The following CYP19A1 variants were observed in gnomAD, a reference collection of about 807,000 sequenced individuals.
CYP19A1 encodes the protein cytochrome P450 family 19 subfamily A member 1.
In CYP19A1, 32 loss-of-function variants were observed where a neutral mutation model predicts 44.4. The ratio of observed to expected loss-of-function variants is 0.72; its 90% CI spans 0.54 to 0.97. The LOEUF is 0.97. CYP19A1 is among the 50% of genes least tolerant of loss of function. The probability of loss-of-function intolerance (pLI) is 0.00; values close to 1 mark genes in which losing one functional copy is unlikely to be tolerated. For synonymous variants in CYP19A1, 212 were observed against 215.6 expected (o/e 0.98, Z 0.14); for missense variants, 598 against 637.8 (o/e 0.94, Z 0.67).
At chr15:51,268,861 T>C (rs1168109100) in intron 1 of CYP19A1, among the ~76,000 whole-genome samples, 5 of 152,344 alleles carry the variant, frequency 3.3e-5, no homozygotes, top group Admixed American at 3.3e-4. Context: ...ATATCTTTTA[T>C]GAAGCATCTG....
chr15:51,248,941 T>C (rs1462747344), intron 1 of CYP19A1, among the ~76,000 whole-genome samples: 1 of 151,872 alleles, frequency 6.6e-6, no homozygotes, highest in Non-Finnish European at 1.5e-5. Context: ...ATCTTTTTTT[T>C]TTTTTTTTTA....
intron 6 of CYP19A1, among the ~76,000 whole-genome samples, chr15:51,217,001 A>G (rs1199090730): frequency 6.6e-6 from 1 of 152,210 alleles, no homozygotes; most frequent in East Asian, 1.9e-4. Flanking sequence ...ATGTACAATA[A>G]ATCCATCTTC....
At chr15:51,326,457 A>T (rs1217434015) in intron 1 of CYP19A1, among the ~76,000 whole-genome samples, 2 of 152,266 alleles carry the variant, frequency 1.3e-5, no homozygotes, top group African/African-American at 4.8e-5. Flanking sequence ...TAGAATTTTC[A>T]ACTACGATAA....
At chr15:51,284,695 A>G (rs2035639488) in intron 1 of CYP19A1, among the ~76,000 whole-genome samples, 1 of 152,260 alleles carries the variant, frequency 6.6e-6, no homozygotes, top group Non-Finnish European at 1.5e-5. Context: ...AGATCAACCC[A>G]TAACTGCAGT....
intron 1 of CYP19A1, among the ~76,000 whole-genome samples, chr15:51,288,247 T>G (rs1451255070): frequency 6.6e-6 from 1 of 152,140 alleles, no homozygotes; most frequent in Non-Finnish European, 1.5e-5. Context: ...ACAGCTGAGT[T>G]ACCTGTGTGC....
chr15:51,301,427 G>A (rs572255297), intron 1 of CYP19A1, among the ~76,000 whole-genome samples: 9 of 152,274 alleles, frequency 5.9e-5, no homozygotes, highest in Non-Finnish European at 1.0e-4. Flanking sequence ...GGGATGCCGG[G>A]GCTACACCTC....
chr15:51,321,851 G>A (rs2036533164), intron 1 of CYP19A1: 1 of 152,382 alleles, frequency 6.6e-6, no homozygotes, highest in African/African-American at 2.4e-5. Flanking sequence ...TGCTGGGAAG[G>A]GGGAAGGCCT....
At chr15:51,336,225 C>T (rs1351113919) in intron 1 of CYP19A1, among the ~76,000 whole-genome samples, 1 of 152,196 alleles carries the variant, frequency 6.6e-6, no homozygotes, top group African/African-American at 2.4e-5. Flanking sequence ...AAATCTGTCT[C>T]CCCACTCCAG....
chr15:51,235,781 C>G (rs1361950455), intron 3 of CYP19A1, among the ~76,000 whole-genome samples: 1 of 152,186 alleles, frequency 6.6e-6, no homozygotes, highest in Non-Finnish European at 1.5e-5. Flanking sequence ...TACTTTTGAG[C>G]TATAGTCTTT....
intron 1 of CYP19A1, chr15:51,320,157 A>G (rs1446848374): frequency 6.6e-6 from 1 of 152,376 alleles, no homozygotes; most frequent in African/African-American, 2.4e-5. Context: ...CTCAGGCACC[A>G]TCCTCGGCTC....
intron 1 of CYP19A1, among the ~76,000 whole-genome samples, chr15:51,333,677 T>C (rs2036735531): frequency 6.6e-6 from 1 of 152,186 alleles, no homozygotes; most frequent in Non-Finnish European, 1.5e-5. Flanking sequence ...CAGAAGCCAG[T>C]GCAAGTCTTG....
chr15:51,267,523 G>T (rs1251257678), intron 1 of CYP19A1, among the ~76,000 whole-genome samples: 2 of 152,194 alleles, frequency 1.3e-5, no homozygotes, highest in Non-Finnish European at 2.9e-5. Context: ...TGTACGCCGA[G>T]GTCTGCGCCG....
intron 1 of CYP19A1, among the ~76,000 whole-genome samples, chr15:51,275,496 C>T (rs1426727829): frequency 2.6e-5 from 4 of 152,354 alleles, no homozygotes; most frequent in South Asian, 2.1e-4. Context: ...TCAGACTGTC[C>T]TGGGTTGAAA....
chr15:51,223,781 G>A (rs2032340704), intron 4 of CYP19A1, among the ~76,000 whole-genome samples: 1 of 152,150 alleles, frequency 6.6e-6, no homozygotes, highest in African/African-American at 2.4e-5. Flanking sequence ...CCATAGGAAG[G>A]ACTTGGCAGA....
intron 1 of CYP19A1, among the ~76,000 whole-genome samples, chr15:51,265,462 C>G (rs2034882351): frequency 6.6e-6 from 1 of 152,144 alleles, no homozygotes; most frequent in Non-Finnish European, 1.5e-5. Context: ...GATAGAAAGT[C>G]TCCTCAGCCC....
chr15:51,247,373 A>G (rs565245954), intron 1 of CYP19A1, among the ~76,000 whole-genome samples: 2 of 152,256 alleles, frequency 1.3e-5, no homozygotes, highest in South Asian at 4.2e-4. Flanking sequence ...CACTATGCAG[A>G]TATTTCACCA....
chr15:51,245,817 T>C (rs933821298), intron 1 of CYP19A1, among the ~76,000 whole-genome samples: 7 of 152,238 alleles, frequency 4.6e-5, no homozygotes, highest in African/African-American at 1.7e-4. Flanking sequence ...ATTATCCCCA[T>C]TTTACAGATG....
In CYP19A1 at chr15:51,236,850, C is replaced by A; in HGVS notation, c.296+9G>T. 1 of 1,613,918 alleles carries A rather than the reference C, an allele frequency of 6.2e-7. No individual in the cohort carries two copies. The highest frequency in any genetic ancestry group is 8.5e-7 in the Non-Finnish European group (1 of 1,179,806). On this transcript the variant is annotated intron_variant, in intron 3 of 9. Transcript: ENST00000396402. ...TAAAAAGTATGTCTTCGATTATGAA[C>A]AGACTCACTTGCTGATAATGAGTGT...
intron 1 of CYP19A1, among the ~76,000 whole-genome samples, chr15:51,297,817 GACACACACACACAC>G (rs1159870053): frequency 5.5e-4 from 61 of 111,790 alleles, no homozygotes; most frequent in South Asian, 1.5e-3. Context: ...CTGTAGGCAT[GACACACACACACAC>G]ACACACACAC....
Sources: gnomAD v4.1 joint callset for allele counts (sites outside exome capture counted in the v4.1 genomes callset) on GRCh38, gnomAD v4.1.1 for gene constraint, MANE v1.5 for transcripts, NCBI Gene and HGNC (gene_info 2026-07-23, HGNC 2026-07-21) for gene names.